Variants in GDA observed in about 807,000 individuals in gnomAD.
The protein encoded by GDA is guanine deaminase.
A neutral mutation model predicts 59.6 loss-of-function variants in GDA; 18 were observed. The observed-to-expected ratio is 0.30, with a 90% CI of 0.21 to 0.45. The LOEUF (loss-of-function observed/expected upper bound fraction) is 0.45. GDA is among the 20% of genes least tolerant of loss of function. The pLI, the probability that GDA is intolerant of heterozygous loss-of-function variation, is 1.00. For synonymous variants in GDA, 201 were observed against 201.1 expected (o/e 1.00, Z 0.00); for missense variants, 427 against 552.3 (o/e 0.77, Z 2.27).
At chr9:72,140,227 A>AT (rs1826391291) in intron 1 of GDA, among the ~76,000 whole-genome samples, 1 of 152,036 alleles carries the variant, frequency 6.6e-6, no homozygotes, top group Non-Finnish European at 1.5e-5. Context: ...TGGTTTTTGT[A>AT]TTTTTCTGAA....
Position 72,159,542 on chromosome 9 carries a change from G to C in GDA, c.123+9860G>C, listed in dbSNP as rs908088923. On this transcript the variant is annotated intron_variant, in intron 1 of 13. Transcript: ENST00000358399. Reference sequence around the variant, plus strand: ...AAATTGAAGGCCAAAGCAATCACAAGGTAATTATAATTTAAAGTGAGTTAT... The same window carrying C: ...AAATTGAAGGCCAAAGCAATCACAACGTAATTATAATTTAAAGTGAGTTAT... Among the ~76,000 whole-genome samples the C allele has an allele frequency of 2.0e-5, 3 of 152,010 alleles. No homozygotes were observed. The South Asian group carries it at 6.2e-4, about 32-fold the overall frequency.
At chr9:72,165,031 A>G (rs1050563736) in intron 1 of GDA, among the ~76,000 whole-genome samples, 4 of 151,752 alleles carry the variant, frequency 2.6e-5, no homozygotes, top group African/African-American at 7.3e-5. Flanking sequence ...CTGGTCTTCA[A>G]ATACTTTGCT....
intron 1 of GDA, among the ~76,000 whole-genome samples, chr9:72,132,922 A>C (rs1826074486): frequency 6.6e-6 from 1 of 152,190 alleles, no homozygotes; most frequent in South Asian, 2.1e-4. Context: ...ACCAGGGAAG[A>C]AAAAGAGGCA....
At chr9:72,164,771 C>T (rs1434277134) in intron 1 of GDA, among the ~76,000 whole-genome samples, 1 of 150,952 alleles carries the variant, frequency 6.6e-6, no homozygotes, top group East Asian at 2.0e-4. Flanking sequence ...ATCATGAGGT[C>T]AGGAGATCGA....
At chr9:72,146,179 A>G (rs1041205890), upstream of GDA, among the ~76,000 whole-genome samples, 5 of 152,052 alleles carry the variant, frequency 3.3e-5, no homozygotes, top group Non-Finnish European at 7.4e-5. Flanking sequence ...TGAGGCAGAC[A>G]TGGTGTAAGG....
intron 10 of GDA, among the ~76,000 whole-genome samples, chr9:72,235,721 AAG>A (rs1283815276): frequency 1.3e-5 from 2 of 152,160 alleles, no homozygotes; most frequent in African/African-American, 4.8e-5. Context: ...TCTCAGAAAA[AAG>A]AGAATTGCAC....
downstream of GDA, chr9:72,257,603 TC>T (rs1840900746): frequency 1.3e-5 from 2 of 152,150 alleles, no homozygotes; most frequent in African/African-American, 4.8e-5. Flanking sequence ...CAGATCAGCC[TC>T]TGCTGACAGT....
intron 1 of GDA, among the ~76,000 whole-genome samples, chr9:72,138,983 G>A (rs540623754): frequency 1.1e-4 from 16 of 152,198 alleles, no homozygotes; most frequent in Admixed American, 3.3e-4. Context: ...CATCTGTATC[G>A]TTGTATCTTT....
chr9:72,158,360 G>A (rs1223661990), intron 1 of GDA, among the ~76,000 whole-genome samples: 1 of 152,062 alleles, frequency 6.6e-6, no homozygotes, highest in African/African-American at 2.4e-5. Flanking sequence ...TTGGGAGGCC[G>A]AGGTGGGCTC....
intron 1 of GDA, among the ~76,000 whole-genome samples, chr9:72,119,802 A>G (rs1388933065): frequency 6.6e-6 from 1 of 152,256 alleles, no homozygotes; most frequent in Non-Finnish European, 1.5e-5. Context: ...ACTTTATCAA[A>G]CAAAGTAAGC....
intron 1 of GDA, among the ~76,000 whole-genome samples, chr9:72,136,948 C>A (rs1016478556): frequency 3.9e-5 from 6 of 152,032 alleles, no homozygotes; most frequent in Non-Finnish European, 8.8e-5. Context: ...GCACTCCAGC[C>A]TTGGTCCTTG....
At chr9:72,193,129 G>T (rs1020077761) in intron 1 of GDA, among the ~76,000 whole-genome samples, 1 of 151,374 alleles carries the variant, frequency 6.6e-6, no homozygotes, top group Non-Finnish European at 1.5e-5. Flanking sequence ...TTAATCCCTG[G>T]TACTTTATTT....
intron 1 of GDA, among the ~76,000 whole-genome samples, chr9:72,123,533 G>A (rs561981343): frequency 7.4e-4 from 105 of 141,756 alleles, no homozygotes; most frequent in African/African-American, 2.7e-3. Context: ...TGTTGCCCAG[G>A]CTGGAGTGCA....
intron 10 of GDA, among the ~76,000 whole-genome samples, chr9:72,238,110 A>G (rs767547860): frequency 1.3e-5 from 2 of 152,144 alleles, no homozygotes; most frequent in Non-Finnish European, 2.9e-5. Flanking sequence ...TTTGACACCC[A>G]TCCACTGCCC....
chr9:72,128,909 A>G (rs1825937708), intron 1 of GDA, among the ~76,000 whole-genome samples: 1 of 152,026 alleles, frequency 6.6e-6, no homozygotes. Flanking sequence ...GGGTGTCTGA[A>G]GTTATGTCCT....
At chr9:72,190,541 G>T (rs1832405667) in intron 1 of GDA, among the ~76,000 whole-genome samples, 1 of 152,186 alleles carries the variant, frequency 6.6e-6, no homozygotes, top group African/African-American at 2.4e-5. Flanking sequence ...TTATTGGTAA[G>T]TCTTTGGCCA....
intron 1 of GDA, among the ~76,000 whole-genome samples, chr9:72,157,801 A>G (rs143152393): frequency 3.0e-4 from 45 of 152,262 alleles, no homozygotes; most frequent in African/African-American, 1.1e-3. Context: ...TTTGGCCCCA[A>G]CCTGTTCTCT....
chr9:72,120,912 C>T (rs1189847813), intron 1 of GDA, among the ~76,000 whole-genome samples: 1 of 152,084 alleles, frequency 6.6e-6, no homozygotes, highest in Non-Finnish European at 1.5e-5. Flanking sequence ...CTCACCAATC[C>T]ACTCTTCTTT....
intron 2 of GDA, among the ~76,000 whole-genome samples, chr9:72,200,947 A>AC (rs1390573383): frequency 6.6e-6 from 1 of 152,122 alleles, no homozygotes; most frequent in Non-Finnish European, 1.5e-5. Flanking sequence ...GTTAACAGTT[A>AC]CTTTTTTTCA....
Sources: allele counts gnomAD v4.1 joint callset (sites outside exome capture counted in the v4.1 genomes callset), GRCh38; gene constraint gnomAD v4.1.1; transcripts MANE v1.5; gene names NCBI Gene and HGNC (gene_info 2026-07-23, HGNC 2026-07-21).